The following PPP3R1 variants were observed in gnomAD, a reference collection of about 807,000 sequenced individuals.
PPP3R1 encodes the protein calcineurin subunit B type 1.
PPP3R1 carries 5 observed loss-of-function variants against 22.6 expected under a neutral mutation model. The ratio of observed to expected loss-of-function variants is 0.22; its 90% CI spans 0.12 to 0.46. PPP3R1 has a LOEUF of 0.46. Ranked by LOEUF, PPP3R1 falls within the 20% of genes least tolerant of loss-of-function variation. PPP3R1 has a pLI of 0.99. For synonymous variants in PPP3R1, 56 were observed against 65.2 expected (o/e 0.86, Z 0.68); for missense variants, 61 against 203.2 (o/e 0.30, Z 4.25).
At chr2:68,205,901 C>A (rs962493286) in intron 2 of PPP3R1, among the ~76,000 whole-genome samples, 2 of 152,054 alleles carry the variant, frequency 1.3e-5, no homozygotes, top group Admixed American at 6.6e-5. Flanking sequence ...CTCACAGCAA[C>A]CTCCACCTCC....
chr2:68,232,096 TAA>T (rs750643360), intron 1 of PPP3R1, among the ~76,000 whole-genome samples: 2,843 of 73,850 alleles, frequency 0.038, 100 homozygotes, highest in Middle Eastern at 0.068. Flanking sequence ...CCGTATCTAC[TAA>T]AAAAAAAAAA....
rs956501141 is a variant in PPP3R1, at chr2:68,252,320, G to A, written c.-193C>T. On this transcript the variant is annotated 5_prime_UTR_variant, in exon 1 of 6. Transcript: ENST00000234310. ...CGGGCGATTGGGCACGCGAGGGAGCGGGCAGGGTAGGGGGAAATAAATTAA... is the reference window on the plus strand; with the variant it reads ...CGGGCGATTGGGCACGCGAGGGAGCAGGCAGGGTAGGGGGAAATAAATTAA... 2.0e-6 allele frequency: 2 copies of A among 1,020,290 alleles called. No homozygotes were observed. The highest frequency in any genetic ancestry group is 1.2e-6 in the Non-Finnish European group (1 of 854,064). 63.2% of individuals were successfully genotyped at this position (1,020,290 alleles called of 1,614,324 possible). A position where few individuals can be genotyped will look rare whatever the true frequency, so the allele number is the denominator to read the frequency against.
chr2:68,197,832 T>C (rs1282328493), intron 2 of PPP3R1, among the ~76,000 whole-genome samples: 1 of 151,902 alleles, frequency 6.6e-6, no homozygotes, highest in Admixed American at 6.6e-5. Flanking sequence ...AATAGAATTT[T>C]TTCCCTTTAT....
At chr2:68,222,925 T>C (rs1312611268) in intron 1 of PPP3R1, among the ~76,000 whole-genome samples, 1 of 152,092 alleles carries the variant, frequency 6.6e-6, no homozygotes, top group Non-Finnish European at 1.5e-5. Flanking sequence ...AGCAAACATT[T>C]TGAGAATTAT....
chr2:68,239,685 C>A (rs1670082605), intron 1 of PPP3R1, among the ~76,000 whole-genome samples: 1 of 152,102 alleles, frequency 6.6e-6, no homozygotes, highest in Non-Finnish European at 1.5e-5. Context: ...GGGGAAAAAA[C>A]AAGGAATTTG....
At chr2:68,240,048 G>T (rs770991036) in intron 1 of PPP3R1, among the ~76,000 whole-genome samples, 4 of 152,180 alleles carry the variant, frequency 2.6e-5, no homozygotes, top group Non-Finnish European at 5.9e-5. Context: ...CACATTTAAG[G>T]TAGGCTAGAC....
At chr2:68,252,099 G>A (rs1401860640) in intron 1 of PPP3R1, 26 bp downstream of exon 1, 26 of 1,426,484 alleles carry the variant, frequency 1.8e-5, no homozygotes, top group Admixed American at 4.1e-5. Flanking sequence ...GGGAGGGATG[G>A]TGCATCGAGG....
At chr2:68,206,681 C>T (rs1223039685) in intron 2 of PPP3R1, among the ~76,000 whole-genome samples, 1 of 152,144 alleles carries the variant, frequency 6.6e-6, no homozygotes, top group Non-Finnish European at 1.5e-5. Flanking sequence ...CTCCTTGGAA[C>T]CTGTGTTTTT....
intron 2 of PPP3R1, among the ~76,000 whole-genome samples, chr2:68,189,818 G>A (rs1674622705): frequency 1.3e-5 from 2 of 152,104 alleles, no homozygotes; most frequent in Admixed American, 6.6e-5. Flanking sequence ...GCAGTAAGCT[G>A]AGATCACGCC....
chr2:68,181,301 G>A (rs1428908123), intron 5 of PPP3R1, among the ~76,000 whole-genome samples: 1 of 151,572 alleles, frequency 6.6e-6, no homozygotes, highest in Non-Finnish European at 1.5e-5. Context: ...GCTGATGCAG[G>A]AGAATCGCTT....
chr2:68,185,031 C>T (rs1489119731), intron 5 of PPP3R1, among the ~76,000 whole-genome samples: 1 of 152,022 alleles, frequency 6.6e-6, no homozygotes, highest in South Asian at 2.1e-4. Context: ...CCATCCTGGC[C>T]AACATGGTGA....
chr2:68,237,081 C>T lies in PPP3R1; in HGVS notation c.3+15044G>A, dbSNP rs1376403504. ...TCTCATTCTGTGAAATAACAAACTG[C>T]TTATTATTTAAGTCACTTTTAGTTA... On this transcript the variant is annotated intron_variant, in intron 1 of 5. Coordinates refer to ENST00000234310, the MANE Select transcript of PPP3R1 (RefSeq NM_000945.4). Among the ~76,000 whole-genome samples, 4 of 152,168 alleles carry T rather than the reference C, an allele frequency of 2.6e-5. No individual in the cohort carries two copies. The South Asian group carries it at 6.2e-4, about 24-fold the overall frequency.
intron 2 of PPP3R1, among the ~76,000 whole-genome samples, chr2:68,191,705 A>G (rs949687636): frequency 6.6e-6 from 1 of 152,240 alleles, no homozygotes; most frequent in African/African-American, 2.4e-5. Context: ...TATGTAGCAC[A>G]TTAATGTATA....
At chr2:68,231,126 A>T (rs1669888376) in intron 1 of PPP3R1, among the ~76,000 whole-genome samples, 1 of 152,054 alleles carries the variant, frequency 6.6e-6, no homozygotes. Context: ...ACAAGTGTTA[A>T]ATCTTTTTAT....
chr2:68,181,609 T>TC (rs397818122), intron 5 of PPP3R1, among the ~76,000 whole-genome samples: 1 of 150,964 alleles, frequency 6.6e-6, no homozygotes, highest in Non-Finnish European at 1.5e-5. Context: ...TTTTTTTTTT[T>TC]CAAAACAACA....
chr2:68,191,866 T>C (rs1399052834), intron 2 of PPP3R1, among the ~76,000 whole-genome samples: 1 of 152,168 alleles, frequency 6.6e-6, no homozygotes, highest in Admixed American at 6.6e-5. Context: ...CCCCATTTTC[T>C]ATCTATAAAA....
intron 1 of PPP3R1, among the ~76,000 whole-genome samples, chr2:68,251,664 T>C (rs867755356): frequency 1.3e-5 from 2 of 152,134 alleles, no homozygotes; most frequent in African/African-American, 4.8e-5. Flanking sequence ...GTGGGTCTTA[T>C]GTAAAGTGCC....
chr2:68,226,092 G>A (rs1327488371), intron 1 of PPP3R1, among the ~76,000 whole-genome samples: 1 of 152,164 alleles, frequency 6.6e-6, no homozygotes, highest in African/African-American at 2.4e-5. Context: ...AAAGCTATGT[G>A]CTGTATGGTT....
At chr2:68,218,080 T>C (rs1376028344) in intron 1 of PPP3R1, among the ~76,000 whole-genome samples, 2 of 152,190 alleles carry the variant, frequency 1.3e-5, no homozygotes, top group Non-Finnish European at 2.9e-5. Flanking sequence ...TAAATTAAGT[T>C]TTTAAAGTTC....
Sources: gnomAD v4.1 joint callset for allele counts (sites outside exome capture counted in the v4.1 genomes callset) on GRCh38, gnomAD v4.1.1 for gene constraint, MANE v1.5 for transcripts, NCBI Gene and HGNC (gene_info 2026-07-23, HGNC 2026-07-21) for gene names.